ST18: variants seen among roughly 807,000 people sequenced by gnomAD.
ST18 encodes the protein ST18 C2H2C-type zinc finger transcription factor, also known as suppression of tumorigenicity 18 protein.
ST18 carries 50 observed loss-of-function variants against 110.0 expected under a neutral mutation model. The ratio of observed to expected loss-of-function variants is 0.45; its 90% confidence interval spans 0.36 to 0.58. ST18 has a LOEUF of 0.58. Ranked by LOEUF, ST18 falls within the 20% of genes least tolerant of loss-of-function variation. ST18 has a pLI of 0.00. For missense variants in ST18, 1,306 were observed against 1,280.1 expected (o/e 1.02, Z -0.31); for synonymous variants, 461 against 452.4 (o/e 1.02, Z -0.24).
intron 2 of ST18, among the ~76,000 whole-genome samples, chr8:52,295,877 G>A (rs577773307): frequency 6.6e-6 from 1 of 152,160 alleles, no homozygotes; most frequent in East Asian, 1.9e-4. Context: ...CTGCCTCCCA[G>A]TATGTTCTGC....
At chr8:52,130,118 G>GA (rs778356239) in intron 22 of ST18, among the ~76,000 whole-genome samples, 1 of 39,324 alleles carries the variant, frequency 2.5e-5, no homozygotes, top group Non-Finnish European at 5.5e-5. Context: ...AAGAAAGAAA[G>GA]AAAAGAAAGA....
At chr8:52,311,040 A>G (rs1589805512) in intron 2 of ST18, among the ~76,000 whole-genome samples, 1 of 152,340 alleles carries the variant, frequency 6.6e-6, no homozygotes, top group Admixed American at 6.5e-5. Flanking sequence ...GCACATGGAA[A>G]CGAACTAAAG....
chr8:52,392,392 G>A (rs138964656), intron 2 of ST18, among the ~76,000 whole-genome samples: 212 of 152,232 alleles, frequency 1.4e-3, no homozygotes, highest in African/African-American at 4.9e-3. Context: ...GGCTGGTGGA[G>A]ATGAGTGGTT....
At chr8:52,119,191 G>A (rs1004508476) in intron 23 of ST18, among the ~76,000 whole-genome samples, 1 of 152,198 alleles carries the variant, frequency 6.6e-6, no homozygotes, top group African/African-American at 2.4e-5. Context: ...TCTACACTGT[G>A]AGAATGAATG....
chr8:52,147,227 T>C (rs2057560166), intron 16 of ST18, among the ~76,000 whole-genome samples: 1 of 152,148 alleles, frequency 6.6e-6, no homozygotes, highest in Non-Finnish European at 1.5e-5. Flanking sequence ...CCCAGATATA[T>C]ATGCATGAGA....
intron 2 of ST18, among the ~76,000 whole-genome samples, chr8:52,387,191 A>G (rs1466316413): frequency 6.6e-6 from 1 of 152,054 alleles, no homozygotes; most frequent in Non-Finnish European, 1.5e-5. Flanking sequence ...CCAAACTGAG[A>G]AAGTCCAGAG....
intron 16 of ST18, among the ~76,000 whole-genome samples, chr8:52,145,897 C>A (rs961636373): frequency 3.4e-4 from 51 of 152,214 alleles, no homozygotes; most frequent in African/African-American, 1.2e-3. Flanking sequence ...ACTTTCCTTT[C>A]GAGATATTTT....
At chr8:52,380,856 T>A (rs1313727621) in intron 2 of ST18, among the ~76,000 whole-genome samples, 2 of 152,206 alleles carry the variant, frequency 1.3e-5, no homozygotes, top group Admixed American at 1.3e-4. Flanking sequence ...TATGAATGAA[T>A]GAATCCTTGT....
At chr8:52,386,439 T>C (rs982455526) in intron 2 of ST18, among the ~76,000 whole-genome samples, 1 of 151,386 alleles carries the variant, frequency 6.6e-6, no homozygotes, top group African/African-American at 2.4e-5. Flanking sequence ...GCCACTCTGA[T>C]AATTAGAAAA....
intron 2 of ST18, among the ~76,000 whole-genome samples, chr8:52,236,550 G>A (rs2092702609): frequency 6.7e-6 from 1 of 150,138 alleles, no homozygotes; most frequent in South Asian, 2.1e-4. Flanking sequence ...GGCGGAGGTT[G>A]CAGTGAGCCA....
chr8:52,400,828 T>C (rs781270294), intron 2 of ST18, among the ~76,000 whole-genome samples: 24 of 152,152 alleles, frequency 1.6e-4, no homozygotes, highest in Non-Finnish European at 2.6e-4. Context: ...ATGTTTAACC[T>C]TCATACTAGA....
chr8:52,307,129 G>A (rs1330510653), intron 2 of ST18, among the ~76,000 whole-genome samples: 1 of 151,980 alleles, frequency 6.6e-6, no homozygotes, highest in East Asian at 1.9e-4. Context: ...GACCAACCTG[G>A]GCGGCATAGT....
chr8:52,126,230 T>C, intron 22 of ST18, 90 bp from the exon 23 acceptor site: 1 of 1,271,344 alleles, frequency 7.9e-7, no homozygotes, highest in Non-Finnish European at 1.1e-6. Flanking sequence ...CTATTTGTGT[T>C]TTTGCTGCCG....
intron 11 of ST18, among the ~76,000 whole-genome samples, chr8:52,166,107 T>A (rs2062897139): frequency 6.6e-6 from 1 of 152,166 alleles, no homozygotes; most frequent in Non-Finnish European, 1.5e-5. Flanking sequence ...CTGTGATGCG[T>A]CAAGGCTGAC....
intron 14 of ST18, among the ~76,000 whole-genome samples, chr8:52,159,955 T>C (rs538698856): frequency 1.3e-5 from 2 of 152,240 alleles, no homozygotes; most frequent in Non-Finnish European, 2.9e-5. Flanking sequence ...TAGCTTTTTA[T>C]TTTATATTAA....
At chr8:52,123,100 AG>A (rs1437412095) in intron 23 of ST18, among the ~76,000 whole-genome samples, 1 of 152,172 alleles carries the variant, frequency 6.6e-6, no homozygotes, top group Admixed American at 6.5e-5. Context: ...GGACTAGTAA[AG>A]GTCTTTAAAA....
intron 22 of ST18, 76 bp from the exon 23 acceptor site, chr8:52,126,216 CCTA>C (rs761014943): frequency 1.7e-4 from 238 of 1,427,560 alleles, no homozygotes; most frequent in Non-Finnish European, 2.1e-4. Flanking sequence ...TTATTCACAA[CCTA>C]CTATTTGTGT....
intron 2 of ST18, among the ~76,000 whole-genome samples, chr8:52,326,075 A>G (rs1223704397): frequency 1.3e-5 from 2 of 152,254 alleles, no homozygotes; most frequent in African/African-American, 4.8e-5. Flanking sequence ...TTATAGGTAG[A>G]AAAATACAAA....
At chr8:52,257,055 A>T (rs62499799) in intron 2 of ST18, among the ~76,000 whole-genome samples, 31,300 of 152,148 alleles carry the variant, frequency 0.21, 3,854 homozygotes, top group Middle Eastern at 0.38. Flanking sequence ...GGAATCATAT[A>T]ATATGTTGTC....
Sources: gnomAD v4.1 joint callset for allele counts (sites outside exome capture counted in the v4.1 genomes callset) on GRCh38, gnomAD v4.1.1 for gene constraint, MANE v1.5 for transcripts, NCBI Gene and HGNC (gene_info 2026-07-23, HGNC 2026-07-21) for gene names.